The following CDH26 variants were observed in gnomAD, a reference collection of about 807,000 sequenced individuals.
The protein encoded by CDH26 is cadherin 26.
A neutral mutation model predicts 90.3 loss-of-function variants in CDH26; 83 were observed. The ratio of observed to expected loss-of-function variants is 0.92; its 90% CI spans 0.77 to 1.10. The LOEUF (loss-of-function observed/expected upper bound fraction) is 1.10. CDH26 is among the 50% of genes least tolerant of loss of function. The pLI, the probability that CDH26 is intolerant of heterozygous loss-of-function variation, is 0.00. For missense variants in CDH26, 1,013 were observed against 1,037.6 expected, an observed-to-expected ratio of 0.98 and a Z score of 0.33; for synonymous variants, 397 against 396.3, an observed-to-expected ratio of 1.00 and a Z score of -0.02.
chr20:60,001,637 C>T (rs16983381), intron 15 of CDH26: 17,067 of 981,132 alleles, frequency 0.017, 205 homozygotes, highest in Non-Finnish European at 0.019. Context: ...GTTTGATAAT[C>T]CTGATCAAAT....
intron 4 of CDH26, among the ~76,000 whole-genome samples, chr20:59,977,635 G>A (rs920212960): frequency 2.0e-5 from 3 of 151,778 alleles, no homozygotes; most frequent in African/African-American, 7.3e-5. Context: ...CAGAAGCACA[G>A]AACAGAAAGC....
chr20:59,968,020 T>TTC (rs2061197834), intron 1 of CDH26, among the ~76,000 whole-genome samples: 2 of 124,554 alleles, frequency 1.6e-5, no homozygotes, highest in African/African-American at 4.3e-5. Flanking sequence ...TCTTCCTTTC[T>TTC]CTCTGTCTCT....
chr20:59,998,831 A>T (rs1200803636), intron 13 of CDH26, among the ~76,000 whole-genome samples: 1 of 152,230 alleles, frequency 6.6e-6, no homozygotes, highest in East Asian at 1.9e-4. Context: ...AGAGTCATGC[A>T]ATAAAGGGTG....
At chr20:60,000,400 C>T (rs2061660546) in intron 14 of CDH26, among the ~76,000 whole-genome samples, 1 of 152,210 alleles carries the variant, frequency 6.6e-6, no homozygotes, top group Admixed American at 6.5e-5. Context: ...ATGTGCCTGG[C>T]CAGGGCAGTG....
chr20:59,967,933 C>CTTT (rs1491480299), intron 1 of CDH26, among the ~76,000 whole-genome samples: 4 of 117,860 alleles, frequency 3.4e-5, no homozygotes, highest in Non-Finnish European at 6.6e-5. Flanking sequence ...CCTTTCCTTT[C>CTTT]CCTTTCTTTC....
exon 9 of CDH26, chr20:60,033,629 A>G: frequency 1.5e-6 from 2 of 1,304,946 alleles, no homozygotes; most frequent in East Asian, 5.5e-5. Flanking sequence ...AGGAGACTAC[A>G]GAGGAGAATC....
chr20:60,018,702 C>CTTTTTTTTTTTTTTTTTTTTTTTTTTTTT (rs55994712), downstream of CDH26, among the ~76,000 whole-genome samples: 7 of 17,814 alleles, frequency 3.9e-4, 2 homozygotes, highest in Admixed American at 8.2e-4. Context: ...CTCTTACTGC[C>CTTTTTTTTTTTTTTTTTTTTTTTTTTTTT]TTTTTTTTTT....
At chr20:60,034,298 A>G (rs1325591762), downstream of CDH26, among the ~76,000 whole-genome samples, 2 of 152,214 alleles carry the variant, frequency 1.3e-5, no homozygotes, top group African/African-American at 4.8e-5. Context: ...ACTGCTCACC[A>G]TGAAAAGACA....
At chr20:59,972,334 G>A (rs1462322233) in intron 4 of CDH26, among the ~76,000 whole-genome samples, 2 of 152,306 alleles carry the variant, frequency 1.3e-5, no homozygotes, top group East Asian at 1.9e-4. Flanking sequence ...TGCAATCGAT[G>A]TGAGCTGCTA....
rs36098341 is a variant in CDH26 at position 59,988,905 on chromosome 20, C to G, written c.1025C>G (p.Pro342Arg). 5.6e-6 allele frequency: 9 copies of G among 1,613,340 alleles called. No individual in the cohort carries two copies. The highest frequency in any genetic ancestry group is 7.6e-6 in the Non-Finnish European group (9 of 1,179,588). ...TNEGILNVIK[P>R]LDYETRPAQS... ...GAAATCCTCTCTCTGGGGTTCCAGC[C>G]TTTGGATTATGAGACTCGCCCAGCG... Residue 342 changes from proline to arginine, a missense_variant and splice_region_variant, in exon 9 of 18, where the codon CCT becomes CGT. By Grantham distance (103) the Pro-to-Arg change is moderately radical. Coordinates refer to ENST00000348616, the MANE Select transcript of CDH26 (RefSeq NM_177980.4).
chr20:59,984,581 T>TA (rs2061429582), intron 5 of CDH26, 58 bp from the exon 6 acceptor site: 1 of 1,428,272 alleles, frequency 7.0e-7, no homozygotes, highest in African/African-American at 1.4e-5. Context: ...TTCATCCTCT[T>TA]ACTGGTTTGA....
chr20:60,020,827 A>G (rs1490389010), intron 7 of CDH26, among the ~76,000 whole-genome samples: 1 of 152,192 alleles, frequency 6.6e-6, no homozygotes, highest in Non-Finnish European at 1.5e-5. Flanking sequence ...AACTGGGCTC[A>G]GGGCTTTGTG....
chr20:59,989,089 C>CT lies in CDH26; in HGVS notation c.1209_1210insT (p.Asn404Ter), dbSNP rs2061494716. 1 of 1,614,126 alleles carries CT rather than the reference C, an allele frequency of 6.2e-7. No individual in the cohort carries two copies. ...CCTTTCACCCCCAGAGCTTCATTGT[C>CT]AATAAAGAGGAGGGCGCCAGGCCTG... On this transcript the variant is annotated frameshift_variant, in exon 9 of 18. Transcript: ENST00000348616. LOFTEE classifies it high-confidence loss of function.
Position 60,013,425 on chromosome 20 carries a change from A to C in CDH26, c.*695A>C, listed in dbSNP as rs941040837. ...TAAGTTCTGATTAGATTTTATCTTTAAACAAAACCACAAAATTTAATTGGT... is the reference window on the plus strand; with the variant it reads ...TAAGTTCTGATTAGATTTTATCTTTCAACAAAACCACAAAATTTAATTGGT... On this transcript the variant is annotated 3_prime_UTR_variant, in exon 18 of 18. Coordinates refer to ENST00000348616, the MANE Select transcript of CDH26 (RefSeq NM_177980.4). The C allele has an allele frequency of 3.3e-5, 5 of 152,230 alleles. No individual in the cohort carries two copies. The highest frequency in any genetic ancestry group is 5.9e-5 in the Non-Finnish European group (4 of 68,038). 9.4% of individuals were successfully genotyped at this position (152,230 alleles called of 1,614,324 possible). A position where few individuals can be genotyped will look rare whatever the true frequency, so the allele number is the denominator to read the frequency against.
At chr20:59,991,462 T>C (rs1037135880) in intron 9 of CDH26, among the ~76,000 whole-genome samples, 1 of 152,218 alleles carries the variant, frequency 6.6e-6, no homozygotes, top group Non-Finnish European at 1.5e-5. Context: ...CCTTTTGGCC[T>C]GAGATAATCC....
At chr20:60,031,147 C>T (rs748350618) in intron 7 of CDH26, 337 of 1,030,336 alleles carry the variant, frequency 3.3e-4, no homozygotes, top group Non-Finnish European at 3.8e-4. Context: ...ATGGTGCTGG[C>T]GGGAATGTAG....
At chr20:60,020,219 G>A (rs200297151) in intron 7 of CDH26, among the ~76,000 whole-genome samples, 1 of 152,174 alleles carries the variant, frequency 6.6e-6, no homozygotes, top group South Asian at 2.1e-4. Context: ...CATCATATGG[G>A]GCTATTTCTC....
At chr20:60,033,682 G>C in exon 9 of CDH26, 1 of 1,301,824 alleles carries the variant, frequency 7.7e-7, no homozygotes, top group Non-Finnish European at 1.0e-6. Flanking sequence ...GCTGAGCAGA[G>C]AGTACGGTGG....
At chr20:60,034,921 A>G (rs528072475), downstream of CDH26, among the ~76,000 whole-genome samples, 3 of 152,358 alleles carry the variant, frequency 2.0e-5, no homozygotes, top group South Asian at 6.2e-4. Flanking sequence ...CAAAGCTCCA[A>G]CAGCTCAGAG....
Sources: allele counts gnomAD v4.1 joint callset (sites outside exome capture counted in the v4.1 genomes callset), GRCh38; gene constraint gnomAD v4.1.1; transcripts MANE v1.5; gene names NCBI Gene and HGNC (gene_info 2026-07-23, HGNC 2026-07-21).